Variants in NLRP8 observed in about 807,000 individuals in gnomAD.
NLRP8 encodes NLR family pyrin domain containing 8, also known as NACHT, LRR and PYD domains-containing protein 8.
A neutral mutation model predicts 88.7 loss-of-function variants in NLRP8; 86 were observed. The observed-to-expected ratio is 0.97, with a 90% CI of 0.81 to 1.16. The LOEUF (loss-of-function observed/expected upper bound fraction) is 1.16. NLRP8 is among the 50% of genes most tolerant of loss of function. The pLI is 0.00. For synonymous variants in NLRP8, 504 were observed against 494.6 expected, an observed-to-expected ratio of 1.02 and a Z score of -0.25; for missense variants, 1,342 against 1,286.5, an observed-to-expected ratio of 1.04 and a Z score of -0.66.
intron 9 of NLRP8, among the ~76,000 whole-genome samples, chr19:55,985,680 A>C (rs745612840): frequency 6.6e-6 from 1 of 152,204 alleles, no homozygotes. Context: ...AGAGACCATA[A>C]ATTTTAAAAT....
intron 9 of NLRP8, among the ~76,000 whole-genome samples, chr19:55,987,352 AGAGT>A (rs1460078740): frequency 6.6e-6 from 1 of 151,772 alleles, no homozygotes; most frequent in African/African-American, 2.4e-5. Flanking sequence ...CGTGGGTGAC[AGAGT>A]GAGACTTCGT....
At chr19:55,951,010 A>G (rs759905455) in intron 1 of NLRP8, among the ~76,000 whole-genome samples, 13 of 152,190 alleles carry the variant, frequency 8.5e-5, no homozygotes, top group Non-Finnish European at 1.6e-4. Flanking sequence ...CCCAGGAGGC[A>G]GAGGTTGCAG....
rs773408577 is a variant in NLRP8 at position 55,973,862 on chromosome 19, C to A, written c.2705+40C>A. 12 of 1,578,294 alleles carry A rather than the reference C, an allele frequency of 7.6e-6. No homozygotes were observed. The South Asian group carries it at 1.4e-4, about 18-fold the overall frequency. On this transcript the variant is annotated intron_variant, in intron 7 of 9. Transcript: ENST00000291971. Reference sequence around the variant, plus strand: ...GTTTTCTTCTCTGAATTCCCTGGAGCAGAACAGGGTGATGAAGAGAACCTG... The same window carrying A: ...GTTTTCTTCTCTGAATTCCCTGGAGAAGAACAGGGTGATGAAGAGAACCTG...
rs1226743603 is a variant in NLRP8 at position 55,954,706 on chromosome 19, A to G, written c.648A>G (p.Lys216=). ...TACAGGGAGCTCCTGGGATCGGAAAAACAATCCTGGCCAAAAAGGTGATGT... is the reference window on the plus strand; with the variant it reads ...TACAGGGAGCTCCTGGGATCGGAAAGACAATCCTGGCCAAAAAGGTGATGT... Residue 216 remains lysine, a synonymous_variant, in exon 3 of 10, where the codon AAA becomes AAG. Transcript: ENST00000291971. The G allele has an allele frequency of 6.2e-7, 1 of 1,614,138 alleles. No homozygotes were observed. Among genetic ancestry groups the G allele is most frequent in the South Asian group, 1.1e-5 (1 of 91,082 alleles).
At chr19:55,956,581 A>G (rs1263180486) in intron 3 of NLRP8, among the ~76,000 whole-genome samples, 1 of 152,002 alleles carries the variant, frequency 6.6e-6, no homozygotes, top group Non-Finnish European at 1.5e-5. Flanking sequence ...ATCTACGGTG[A>G]TACATGTTTG....
At chr19:55,987,429 G>A (rs1357005379) in intron 9 of NLRP8, among the ~76,000 whole-genome samples, 2 of 152,244 alleles carry the variant, frequency 1.3e-5, no homozygotes, top group Admixed American at 1.3e-4. Context: ...ATTAGCTAAT[G>A]TCTGGTCTGC....
rs922089070 is a variant in NLRP8, at chr19:55,970,800, A to G, written c.2534+104A>G. On this transcript the variant is annotated intron_variant, in intron 6 of 9. Transcript: ENST00000291971. ...AAGAAGTCATAGGGAAGGTACATGT[A>G]TAGGAGCAAACATAAGTCTTGTGAT... is the stretch of plus-strand genomic sequence containing the variant. 2.3e-5 allele frequency: 33 copies of G among 1,431,240 alleles called. No individual in the cohort carries two copies. The African/African-American group carries it at 4.4e-4, about 19-fold the overall frequency. The allele number at this position is 1,431,240 out of a possible 1,614,324, so 88.7% of individuals were successfully genotyped here. A position where few individuals can be genotyped will look rare whatever the true frequency, so the allele number is the denominator to read the frequency against.
chr19:55,955,731 T>C lies in NLRP8; in HGVS notation c.1673T>C (p.Phe558Ser). The C allele has an allele frequency of 1.2e-6, 2 of 1,614,112 alleles. No individual in the cohort carries two copies. Among genetic ancestry groups the C allele is most frequent in the African/African-American group, 2.7e-5 (2 of 75,060 alleles). The change falls in exon 3 of 10, where the codon TTC becomes TCC. Residue 558 changes from phenylalanine to serine, a missense_variant. Coordinates refer to ENST00000291971, the MANE Select transcript of NLRP8 (RefSeq NM_176811.2). ...AGCTATCTCTCTCACATGGGACTTTTCTTATTCGGTTTTCTGAACGAGGCC... is the reference window on the plus strand; with the variant it reads ...AGCTATCTCTCTCACATGGGACTTTCCTTATTCGGTTTTCTGAACGAGGCC...
rs750181363 is a variant in NLRP8 at position 55,966,393 on chromosome 19, AG to A, written c.2381+19del. The A allele has an allele frequency of 2.5e-6, 4 of 1,612,248 alleles. No homozygotes were observed. The highest frequency in any genetic ancestry group is 3.4e-6 in the Non-Finnish European group (4 of 1,178,848). On this transcript the variant is annotated intron_variant, in intron 5 of 9. Transcript: ENST00000291971. Reference sequence around the variant, plus strand: ...TGCAGTGTCTCAGGTGAGATTTGAGAGGGGGGTTAGAGTGGGAACCGGGGTA... The same window carrying A: ...TGCAGTGTCTCAGGTGAGATTTGAGAGGGGGTTAGAGTGGGAACCGGGGTA...
At chr19:55,971,091 A>G (rs1315049867) in intron 6 of NLRP8, among the ~76,000 whole-genome samples, 1 of 152,062 alleles carries the variant, frequency 6.6e-6, no homozygotes, top group Admixed American at 6.6e-5. Context: ...TAGTATTAAT[A>G]TTACTACCCG....
intron 6 of NLRP8, among the ~76,000 whole-genome samples, chr19:55,972,948 A>G (rs1027555784): frequency 1.3e-5 from 2 of 152,100 alleles, no homozygotes; most frequent in African/African-American, 2.4e-5. Flanking sequence ...TCTTTTTCAT[A>G]TAATGACTTC....
At chr19:55,972,002 T>C (rs879585489) in intron 6 of NLRP8, among the ~76,000 whole-genome samples, 2 of 152,206 alleles carry the variant, frequency 1.3e-5, no homozygotes, top group East Asian at 1.9e-4. Flanking sequence ...TTTCCTTTTT[T>C]ATAACTTCCG....
At chr19:55,979,292 C>T (rs903587779) in intron 8 of NLRP8, 102 bp from the exon 9 acceptor site, 1 of 1,252,432 alleles carries the variant, frequency 8.0e-7, no homozygotes. Context: ...ATTACACATT[C>T]CTGTCAGTGT....
intron 9 of NLRP8, among the ~76,000 whole-genome samples, chr19:55,987,246 T>C (rs1222781441): frequency 6.6e-6 from 1 of 152,192 alleles, no homozygotes. Flanking sequence ...GGCATGTGCC[T>C]ATAATCCCAC....
chr19:55,951,901 C>T (rs922497502), intron 1 of NLRP8, among the ~76,000 whole-genome samples: 1 of 152,044 alleles, frequency 6.6e-6, no homozygotes, highest in Non-Finnish European at 1.5e-5. Flanking sequence ...AGGCATGCCA[C>T]CATGCCTGGC....
At chr19:55,976,871 G>A (rs1382355230) in intron 8 of NLRP8, among the ~76,000 whole-genome samples, 2 of 149,930 alleles carry the variant, frequency 1.3e-5, no homozygotes, top group Non-Finnish European at 3.0e-5. Context: ...ATGAGATCAG[G>A]AGATCGAGAC....
At chr19:55,971,259 G>A (rs1271048283) in intron 6 of NLRP8, among the ~76,000 whole-genome samples, 1 of 152,010 alleles carries the variant, frequency 6.6e-6, no homozygotes, top group Non-Finnish European at 1.5e-5. Flanking sequence ...GGCCAACATG[G>A]TGAAACCCCA....
At chr19:55,964,902 G>A (rs150038174) in intron 4 of NLRP8, among the ~76,000 whole-genome samples, 2 of 152,262 alleles carry the variant, frequency 1.3e-5, no homozygotes, top group African/African-American at 4.8e-5. Context: ...CAAGGAAACT[G>A]TTTTTAAACA....
intron 4 of NLRP8, among the ~76,000 whole-genome samples, chr19:55,964,958 G>T (rs1040179638): frequency 2.0e-5 from 3 of 152,098 alleles, no homozygotes; most frequent in African/African-American, 2.4e-5. Flanking sequence ...AAGCATTAGA[G>T]GTGCAAGGCA....
Sources: gnomAD v4.1 joint callset for allele counts (sites outside exome capture counted in the v4.1 genomes callset) on GRCh38, gnomAD v4.1.1 for gene constraint, MANE v1.5 for transcripts, NCBI Gene and HGNC (gene_info 2026-07-23, HGNC 2026-07-21) for gene names.